Variants in SRPK2 observed in about 807,000 individuals in gnomAD.
SRPK2 encodes SFRS protein kinase 2.
Under a neutral mutation model 90.8 loss-of-function variants are expected in SRPK2, and 21 were observed. That is an observed-to-expected ratio of 0.23 (90% CI 0.16 to 0.33). SRPK2 has a LOEUF of 0.33. Ranked by LOEUF, SRPK2 falls within the 10% of genes least tolerant of loss-of-function variation. The pLI, the probability that SRPK2 is intolerant of heterozygous loss-of-function variation, is 1.00. For missense variants in SRPK2, 620 were observed against 869.0 expected, an observed-to-expected ratio of 0.71 and a Z score of 3.60; for synonymous variants, 288 against 311.1, an observed-to-expected ratio of 0.93 and a Z score of 0.78.
intron 2 of SRPK2, among the ~76,000 whole-genome samples, chr7:105,298,251 C>T (rs1383907477): frequency 6.6e-6 from 1 of 152,098 alleles, no homozygotes; most frequent in African/African-American, 2.4e-5. Flanking sequence ...TTGAGTCTAG[C>T]TTCTTTCACT....
chr7:105,304,689 A>G (rs1810957930), intron 2 of SRPK2, among the ~76,000 whole-genome samples: 1 of 152,220 alleles, frequency 6.6e-6, no homozygotes, highest in Non-Finnish European at 1.5e-5. Flanking sequence ...TAGATGACTC[A>G]AAGAAAAACT....
At chr7:105,125,127 C>T (rs1345424949) in intron 15 of SRPK2, among the ~76,000 whole-genome samples, 2 of 88,692 alleles carry the variant, frequency 2.3e-5, no homozygotes, top group Non-Finnish European at 4.7e-5. Context: ...AAGACTCCAT[C>T]TCAAAAAAAA....
chr7:105,301,535 AC>A, intron 2 of SRPK2: 1 of 1,522,508 alleles, frequency 6.6e-7, no homozygotes, highest in Non-Finnish European at 9.1e-7. Flanking sequence ...GCCAACGAGG[AC>A]CAGGAGATGG....
At chr7:105,324,582 T>A (rs1483047325) in intron 2 of SRPK2, among the ~76,000 whole-genome samples, 1 of 152,228 alleles carries the variant, frequency 6.6e-6, no homozygotes, top group Non-Finnish European at 1.5e-5. Flanking sequence ...GCTGTTTTAG[T>A]GAGAGTGTCC....
intron 2 of SRPK2, among the ~76,000 whole-genome samples, chr7:105,291,799 G>C (rs1387413283): frequency 6.6e-6 from 1 of 152,076 alleles, no homozygotes; most frequent in African/African-American, 2.4e-5. Context: ...AGTAAAGCGA[G>C]AGGAAAAATT....
chr7:105,261,214 G>A (rs1472420376), intron 2 of SRPK2, among the ~76,000 whole-genome samples: 2 of 152,032 alleles, frequency 1.3e-5, no homozygotes, highest in Non-Finnish European at 2.9e-5. Context: ...AATAAGCTGT[G>A]CGCTTTTATG....
Position 105,181,897 on chromosome 7 carries a change from C to CAAA in SRPK2, c.230-12633_230-12632insTTT, listed in dbSNP as rs1408159019. ...AGATAAAAGTAAAAAAAAAAAAAAA[C>CAAA]AGAAAACACACACACAAAAACCAAA... On this transcript the variant is annotated intron_variant, in intron 3 of 15. Transcript: ENST00000393651. Among the ~76,000 whole-genome samples, 426 of 133,700 alleles carry CAAA rather than the reference C, an allele frequency of 3.2e-3. 13 individuals carry two copies. In the East Asian group the frequency reaches 0.065, roughly 20 times the overall value. The allele number at this position is 133,700 out of a possible 152,430, so 87.7% of individuals were successfully genotyped here.
chr7:105,384,077 T>G (rs1821262118), intron 2 of SRPK2, among the ~76,000 whole-genome samples: 1 of 152,180 alleles, frequency 6.6e-6, no homozygotes, highest in South Asian at 2.1e-4. Context: ...AATCTGTAAA[T>G]GGCCTACTTT....
intron 3 of SRPK2, among the ~76,000 whole-genome samples, chr7:105,201,490 G>A (rs1795546847): frequency 1.3e-5 from 2 of 152,104 alleles, no homozygotes; most frequent in African/African-American, 4.8e-5. Flanking sequence ...ATAGTAAGGG[G>A]ATGAGAGTAT....
In SRPK2 at chr7:105,337,358, A is replaced by C. The variant is rs1243197361; in HGVS notation, c.71+51290T>G. On this transcript the variant is annotated intron_variant, in intron 2 of 15. Coordinates refer to ENST00000393651, the MANE Select transcript of SRPK2 (RefSeq NM_182692.3). ...GAGATGGAGTCTTGCTCTGTTGCCC[A>C]GGCTGGAGTGCAATGGCACAATCTT... Among the ~76,000 whole-genome samples the C allele has an allele frequency of 2.7e-5, 4 of 149,832 alleles. No individual in the cohort carries two copies. The East Asian group carries it at 7.9e-4, about 30-fold the overall frequency.
At chr7:105,257,427 A>G (rs527622186) in intron 2 of SRPK2, among the ~76,000 whole-genome samples, 1 of 152,236 alleles carries the variant, frequency 6.6e-6, no homozygotes, top group Non-Finnish European at 1.5e-5. Flanking sequence ...AGGAAGTGCC[A>G]CTGCTGACAT....
rs114563598 is a variant in SRPK2, at chr7:105,156,971, A to G, written c.621+3536T>C. ...AAGGCCAAGAACATAAAGCTTCAGC[A>G]AACAGGCAATGGGAAGCCACTAAAG... On this transcript the variant is annotated intron_variant, in intron 7 of 15. Coordinates refer to ENST00000393651, the MANE Select transcript of SRPK2 (RefSeq NM_182692.3). Among the ~76,000 whole-genome samples the G allele has an allele frequency of 3.9e-5, 6 of 152,366 alleles. No homozygotes were observed. The East Asian group carries it at 1.2e-3, about 29-fold the overall frequency.
intron 2 of SRPK2, among the ~76,000 whole-genome samples, chr7:105,228,144 C>T (rs1380058439): frequency 6.6e-6 from 1 of 152,154 alleles, no homozygotes; most frequent in Non-Finnish European, 1.5e-5. Context: ...TGGGCTCAGC[C>T]TCCCAAAGTG....
rs547999197 is a variant in SRPK2 at position 105,294,233 on chromosome 7, C to T, written c.72-90448G>A. ...CAGTTTGAACAAAAGTTCTTTTATC[C>T]AGTTTCACAGCACCCTCTGCAAATT... On this transcript the variant is annotated intron_variant, in intron 2 of 15. Coordinates refer to ENST00000393651, the MANE Select transcript of SRPK2 (RefSeq NM_182692.3). Among the ~76,000 whole-genome samples, 26 of 152,326 alleles carry T rather than the reference C, an allele frequency of 1.7e-4. No individual in the cohort carries two copies. In the South Asian group the frequency reaches 5.4e-3, roughly 32 times the overall value.
intron 2 of SRPK2, among the ~76,000 whole-genome samples, chr7:105,320,903 T>C (rs1438402982): frequency 6.6e-6 from 1 of 152,156 alleles, no homozygotes; most frequent in Non-Finnish European, 1.5e-5. Context: ...TGATCATAGC[T>C]CACTGTTGCC....
chr7:105,126,202 A>T, intron 15 of SRPK2, 46 bp downstream of exon 15: 1 of 1,437,746 alleles, frequency 7.0e-7, no homozygotes, highest in Non-Finnish European at 9.8e-7. Flanking sequence ...GCTGCTCTTC[A>T]GTTTCTGTCT....
chr7:105,195,523 C>A (rs953827417), intron 3 of SRPK2, among the ~76,000 whole-genome samples: 6 of 152,228 alleles, frequency 3.9e-5, no homozygotes, highest in Admixed American at 1.3e-4. Flanking sequence ...TGCTCCCAAA[C>A]TGCTTTTAAA....
chr7:105,398,104 C>T (rs554140483), intron 1 of SRPK2, among the ~76,000 whole-genome samples: 16 of 152,026 alleles, frequency 1.1e-4, no homozygotes, highest in Non-Finnish European at 2.2e-4. Context: ...ATTTTGGTCT[C>T]CATAGCAGTC....
intron 2 of SRPK2, among the ~76,000 whole-genome samples, chr7:105,277,792 C>G (rs1806717218): frequency 1.3e-5 from 2 of 152,198 alleles, no homozygotes; most frequent in Admixed American, 6.5e-5. Context: ...GTCACTCTCT[C>G]ATTAATAATC....
Sources: allele counts gnomAD v4.1 joint callset (sites outside exome capture counted in the v4.1 genomes callset), GRCh38; gene constraint gnomAD v4.1.1; transcripts MANE v1.5; gene names NCBI Gene and HGNC (gene_info 2026-07-23, HGNC 2026-07-21).